The following EPB41L5 variants were observed in gnomAD, a reference collection of about 807,000 sequenced individuals.
EPB41L5 encodes the protein band 4.1-like protein 5.
Under a neutral mutation model 106.6 loss-of-function variants are expected in EPB41L5, and 55 were observed. That is an observed-to-expected ratio of 0.52 (90% confidence interval 0.42 to 0.65). The LOEUF (loss-of-function observed/expected upper bound fraction) is 0.65. Among genes scored for constraint, EPB41L5 ranks in the 30% least tolerant of loss-of-function variants. The pLI is 0.00. For synonymous variants in EPB41L5, 297 were observed against 306.7 expected, an observed-to-expected ratio of 0.97 and a Z score of 0.33; for missense variants, 871 against 882.1, an observed-to-expected ratio of 0.99 and a Z score of 0.16.
intron 2 of EPB41L5, among the ~76,000 whole-genome samples, chr2:120,036,364 C>T (rs1029171669): frequency 7.9e-5 from 12 of 152,170 alleles, no homozygotes; most frequent in Non-Finnish European, 1.5e-4. Context: ...TAGGGCTCTC[C>T]TCCCTAGAAT....
At chr2:120,078,911 C>T (rs1479630970) in intron 10 of EPB41L5, among the ~76,000 whole-genome samples, 1 of 152,078 alleles carries the variant, frequency 6.6e-6, no homozygotes, top group Admixed American at 6.6e-5. Context: ...TTTATTATTC[C>T]ACAATCCCTT....
intron 2 of EPB41L5, among the ~76,000 whole-genome samples, chr2:120,040,568 A>G (rs1679342948): frequency 6.6e-6 from 1 of 152,246 alleles, no homozygotes; most frequent in South Asian, 2.1e-4. Context: ...TTTTGGAGAA[A>G]GAACTCAAAT....
intron 1 of EPB41L5, among the ~76,000 whole-genome samples, chr2:120,014,024 G>A (rs1677336761): frequency 6.6e-6 from 1 of 152,144 alleles, no homozygotes; most frequent in Non-Finnish European, 1.5e-5. Context: ...TTAGAAAATA[G>A]GTTAACATTA....
chr2:120,107,196 C>T (rs987363796), intron 16 of EPB41L5, among the ~76,000 whole-genome samples: 1 of 151,926 alleles, frequency 6.6e-6, no homozygotes, highest in African/African-American at 2.4e-5. Context: ...TTCATCGTGC[C>T]CCAGTGGTGG....
chr2:120,160,364 A>T (rs1292190738), intron 20 of EPB41L5, among the ~76,000 whole-genome samples: 1 of 152,078 alleles, frequency 6.6e-6, no homozygotes, highest in African/African-American at 2.4e-5. Flanking sequence ...TGCACTATAG[A>T]TGTACTTTGT....
chr2:120,039,092 C>T (rs532184845), intron 2 of EPB41L5, among the ~76,000 whole-genome samples: 69 of 152,248 alleles, frequency 4.5e-4, no homozygotes, highest in African/African-American at 1.6e-3. Context: ...TGTTATGATT[C>T]TACTTATGTG....
chr2:120,066,401 A>G (rs900413395), intron 3 of EPB41L5, among the ~76,000 whole-genome samples: 8 of 152,210 alleles, frequency 5.3e-5, no homozygotes, highest in African/African-American at 1.4e-4. Flanking sequence ...ATGTCTAATA[A>G]CCTGCCTTTT....
At chr2:120,142,658 C>T (rs1686226811) in intron 18 of EPB41L5, among the ~76,000 whole-genome samples, 1 of 152,186 alleles carries the variant, frequency 6.6e-6, no homozygotes, top group Admixed American at 6.6e-5. Flanking sequence ...GTCTCTTTCA[C>T]AGCTACTTAG....
At chr2:120,039,297 A>G (rs7593632) in intron 2 of EPB41L5, among the ~76,000 whole-genome samples, 104,424 of 151,872 alleles carry the variant, frequency 0.69, 37,468 homozygotes, top group Non-Finnish European at 0.79. Context: ...GTGGGGGATG[A>G]TTTTTTTAAT....
intron 24 of EPB41L5, among the ~76,000 whole-genome samples, chr2:120,174,489 G>A (rs1450019619): frequency 6.6e-6 from 1 of 151,488 alleles, no homozygotes. Flanking sequence ...AGGAGCAGCA[G>A]CAGCAGAGAA....
intron 21 of EPB41L5, among the ~76,000 whole-genome samples, chr2:120,163,263 C>G (rs933575153): frequency 7.4e-6 from 1 of 135,890 alleles, no homozygotes; most frequent in South Asian, 2.8e-4. Context: ...CCTCTGCCCC[C>G]CCCCCCCCCA....
intron 19 of EPB41L5, among the ~76,000 whole-genome samples, chr2:120,145,692 C>T (rs1405795246): frequency 6.6e-6 from 1 of 152,082 alleles, no homozygotes; most frequent in Non-Finnish European, 1.5e-5. Context: ...TGCCTGTAAT[C>T]CCACCACCTT....
intron 11 of EPB41L5, among the ~76,000 whole-genome samples, chr2:120,087,624 G>T (rs140307155): frequency 2.0e-5 from 3 of 152,218 alleles, no homozygotes; most frequent in East Asian, 3.9e-4. Context: ...AGCTGGGACT[G>T]CAGGCACATG....
At chr2:120,167,648 C>A (rs1687474461) in intron 23 of EPB41L5, 141 bp downstream of exon 23, 1 of 1,037,042 alleles carries the variant, frequency 9.6e-7, no homozygotes, top group Non-Finnish European at 1.4e-6. Context: ...TTAATGGCTT[C>A]AAGCTAGTGG....
chr2:120,069,191 T>G, intron 3 of EPB41L5, among the ~76,000 whole-genome samples: 1 of 142,156 alleles, frequency 7.0e-6, no homozygotes, highest in Admixed American at 7.1e-5. Flanking sequence ...TCCTAGGCTC[T>G]GATAAAACAG....
chr2:120,029,639 C>G (rs551126726), intron 2 of EPB41L5, among the ~76,000 whole-genome samples: 138 of 152,194 alleles, frequency 9.1e-4, no homozygotes, highest in African/African-American at 3.3e-3. Context: ...TAGGCTAAAT[C>G]CTAAATTTTT....
At chr2:120,102,555 T>C (rs989054533) in intron 16 of EPB41L5, among the ~76,000 whole-genome samples, 5 of 152,180 alleles carry the variant, frequency 3.3e-5, no homozygotes, top group Non-Finnish European at 7.4e-5. Flanking sequence ...TGTTAATGCT[T>C]TCAAAAGAAT....
intron 16 of EPB41L5, among the ~76,000 whole-genome samples, chr2:120,124,558 A>G (rs1443526280): frequency 6.6e-6 from 1 of 152,192 alleles, no homozygotes; most frequent in Middle Eastern, 3.2e-3. Context: ...GTACTTTTGC[A>G]TGAATCTCCA....
intron 3 of EPB41L5, among the ~76,000 whole-genome samples, chr2:120,045,079 G>A (rs1407036884): frequency 6.6e-6 from 1 of 152,106 alleles, no homozygotes; most frequent in Non-Finnish European, 1.5e-5. Context: ...CGTAAAATGC[G>A]ACCAAGGAAT....
Sources: gnomAD v4.1 joint callset for allele counts (sites outside exome capture counted in the v4.1 genomes callset) on GRCh38, gnomAD v4.1.1 for gene constraint, MANE v1.5 for transcripts, NCBI Gene and HGNC (gene_info 2026-07-23, HGNC 2026-07-21) for gene names.